Variants in FRAS1 observed in about 807,000 individuals in gnomAD.
FRAS1 encodes Fraser extracellular matrix complex subunit 1, also known as extracellular matrix organizing protein FRAS1.
In FRAS1, 290 loss-of-function variants were observed where a neutral mutation model predicts 435.2. That is an observed-to-expected ratio of 0.67 (90% CI 0.61 to 0.73). The LOEUF (loss-of-function observed/expected upper bound fraction) is 0.73, where lower values mean the gene tolerates loss of function less well. FRAS1 is among the 30% of genes least tolerant of loss of function. The pLI is 0.00. For synonymous variants in FRAS1, 1,800 were observed against 1,851.0 expected (o/e 0.97, Z 0.71); for missense variants, 4,860 against 5,001.5 (o/e 0.97, Z 0.85).
In FRAS1 at chr4:78,249,075, A is replaced by G. The variant is rs1217294643; in HGVS notation, c.310-3317A>G. On this transcript the variant is annotated intron_variant, in intron 4 of 73. Transcript: ENST00000512123. ...TATATATATATATGCATATATATATATATATATATATGCATGTGCTGATGC... is the reference window on the plus strand; with the variant it reads ...TATATATATATATGCATATATATATGTATATATATATGCATGTGCTGATGC... Among the ~76,000 whole-genome samples the G allele has an allele frequency of 6.3e-5, 6 of 95,230 alleles. 2 individuals are homozygous for G. Among genetic ancestry groups the G allele is most frequent in the African/African-American group, 2.4e-4 (6 of 25,280 alleles). The allele number at this position is 95,230 out of a possible 152,430, so 62.5% of individuals were successfully genotyped here.
At position 78,511,483 on chromosome 4, in the gene FRAS1, C is replaced by A. The variant is rs1310737516; in HGVS notation, c.9990C>A (p.Val3330=). 1 of 1,613,508 alleles carries A rather than the reference C, an allele frequency of 6.2e-7. No individual in the cohort carries two copies. Among genetic ancestry groups the A allele is most frequent in the Non-Finnish European group, 8.5e-7 (1 of 1,179,724 alleles). ...TCGCAACCTTGAAATACCTGGATGT[C>A]AAACATAAGGAGCATCCGAACAGGT... ...SFIATLKYLD[V]KHKEHPNRIH... The change falls in exon 64 of 74, where the codon GTC becomes GTA. Residue 3330 remains valine, a synonymous_variant. Transcript: ENST00000512123.
intron 66 of FRAS1, among the ~76,000 whole-genome samples, chr4:78,518,420 G>GTATA (rs1282959069): frequency 1.7e-4 from 11 of 65,708 alleles, no homozygotes; most frequent in Admixed American, 7.1e-4. Context: ...TTTTTTTGTT[G>GTATA]TGTATATATA....
chr4:78,327,401 T>C (rs2110250127), intron 18 of FRAS1, among the ~76,000 whole-genome samples: 1 of 152,280 alleles, frequency 6.6e-6, no homozygotes, highest in Middle Eastern at 3.4e-3. Context: ...TTGTATGATA[T>C]GAAAGTAGGG....
chr4:78,489,804 G>GC (rs1720286863), intron 59 of FRAS1, among the ~76,000 whole-genome samples: 2 of 151,982 alleles, frequency 1.3e-5, no homozygotes, highest in African/African-American at 4.8e-5. Flanking sequence ...GCAGGAGGCA[G>GC]CCGTCTAATA....
intron 2 of FRAS1, among the ~76,000 whole-genome samples, chr4:78,118,859 G>A (rs1382947911): frequency 1.3e-5 from 2 of 152,108 alleles, no homozygotes. Flanking sequence ...CCAGTGAGAT[G>A]CACCCAGTAC....
At position 78,493,837 on chromosome 4, in the gene FRAS1, A is replaced by G. The variant is rs1345504684; in HGVS notation, c.8959-2968A>G. Among the ~76,000 whole-genome samples, 6 of 152,056 alleles carry G rather than the reference A, an allele frequency of 3.9e-5. No homozygotes were observed. The East Asian group carries it at 5.8e-4, about 15-fold the overall frequency. On this transcript the variant is annotated intron_variant, in intron 59 of 73. Transcript: ENST00000512123. The stretch of plus-strand genomic sequence containing the variant: ...AAAAAAAAGAAACTCACCACTAAAC[A>G]TGGCTGCACCAGAATTAGTCTGCAA...
At chr4:78,414,716 T>A (rs1164540545) in intron 32 of FRAS1, among the ~76,000 whole-genome samples, 1 of 152,240 alleles carries the variant, frequency 6.6e-6, no homozygotes. Flanking sequence ...AGGAATCTAC[T>A]TCTCCATTCA....
At chr4:78,213,657 A>AT (rs140725814) in intron 2 of FRAS1, among the ~76,000 whole-genome samples, 2,780 of 150,378 alleles carry the variant, frequency 0.018, 26 homozygotes, top group African/African-American at 0.025. Context: ...TTAAAGGGTG[A>AT]TTTTTTTTTT....
chr4:78,269,302 T>C (rs1726530356), intron 9 of FRAS1, among the ~76,000 whole-genome samples: 1 of 152,220 alleles, frequency 6.6e-6, no homozygotes, highest in Admixed American at 6.5e-5. Flanking sequence ...AAATATGAGT[T>C]AAATATATTA....
chr4:78,339,115 G>A (rs1007951109), intron 20 of FRAS1, among the ~76,000 whole-genome samples: 25 of 152,296 alleles, frequency 1.6e-4, no homozygotes, highest in Middle Eastern at 3.4e-3. Context: ...GATGTTAGTC[G>A]TAGTCAGGAC....
At chr4:78,179,338 C>A (rs746292512) in intron 2 of FRAS1, among the ~76,000 whole-genome samples, 1 of 152,196 alleles carries the variant, frequency 6.6e-6, no homozygotes, top group African/African-American at 2.4e-5. Flanking sequence ...GAAAAAGCAC[C>A]TGTGGTGGCC....
intron 16 of FRAS1, 90 bp from the exon 17 acceptor site, chr4:78,317,278 A>G: frequency 2.1e-6 from 3 of 1,420,738 alleles, no homozygotes; most frequent in Admixed American, 3.4e-5. Context: ...ACAGGGGACT[A>G]AGAGTCCCAG....
chr4:78,175,242 A>G (rs1032374476), intron 2 of FRAS1, among the ~76,000 whole-genome samples: 1 of 152,158 alleles, frequency 6.6e-6, no homozygotes, highest in African/African-American at 2.4e-5. Context: ...CCCATTAATT[A>G]ACACATTTTC....
intron 27 of FRAS1, among the ~76,000 whole-genome samples, chr4:78,380,882 T>C (rs1443563605): frequency 6.6e-6 from 1 of 152,204 alleles, no homozygotes; most frequent in East Asian, 1.9e-4. Flanking sequence ...TCAGAGGTGA[T>C]GATGCCAGTG....
At chr4:78,356,594 T>G (rs17003153) in intron 20 of FRAS1, among the ~76,000 whole-genome samples, 2,814 of 152,162 alleles carry the variant, frequency 0.018, 90 homozygotes, top group African/African-American at 0.065. Flanking sequence ...CATAAGCCCC[T>G]TGAGAACAAT....
chr4:78,261,743 A>G (rs187446443), intron 6 of FRAS1, among the ~76,000 whole-genome samples: 35 of 152,234 alleles, frequency 2.3e-4, no homozygotes, highest in African/African-American at 7.2e-4. Context: ...TGGAATGACT[A>G]TCCATTCTTT....
intron 2 of FRAS1, among the ~76,000 whole-genome samples, chr4:78,211,035 A>G (rs780986825): frequency 5.3e-5 from 8 of 152,222 alleles, no homozygotes; most frequent in Non-Finnish European, 1.0e-4. Context: ...AAGGATGGTA[A>G]TTGTTGGCAA....
intron 20 of FRAS1, 50 bp from the exon 21 acceptor site, chr4:78,363,461 CTT>C (rs1578274798): frequency 1.3e-6 from 2 of 1,550,096 alleles, no homozygotes; most frequent in East Asian, 4.5e-5. Context: ...AGTGATGAGA[CTT>C]TGTGCTCATG....
At chr4:78,356,063 T>A (rs1730841845) in intron 20 of FRAS1, among the ~76,000 whole-genome samples, 1 of 152,202 alleles carries the variant, frequency 6.6e-6, no homozygotes, top group Non-Finnish European at 1.5e-5. Flanking sequence ...GGTCACATAG[T>A]TACCTCCCAC....
Sources: allele counts gnomAD v4.1 joint callset (sites outside exome capture counted in the v4.1 genomes callset), GRCh38; gene constraint gnomAD v4.1.1; transcripts MANE v1.5; gene names NCBI Gene and HGNC (gene_info 2026-07-23, HGNC 2026-07-21).